Variants in SLC35F2 observed in about 807,000 individuals in gnomAD.
SLC35F2 encodes the protein queuine/queuosine transporter SLC35F2.
SLC35F2 carries 25 observed loss-of-function variants against 38.1 expected under a neutral mutation model. The observed-to-expected ratio is 0.66, with a 90% CI of 0.48 to 0.92. SLC35F2 has a LOEUF of 0.92. SLC35F2 is among the 40% of genes least tolerant of loss of function. The probability of loss-of-function intolerance (pLI) is 0.00; values close to 1 mark genes in which losing one functional copy is unlikely to be tolerated. For synonymous variants in SLC35F2, 173 were observed against 181.7 expected (o/e 0.95, Z 0.38); for missense variants, 409 against 452.9 (o/e 0.90, Z 0.88).
intron 1 of SLC35F2, among the ~76,000 whole-genome samples, chr11:107,818,159 T>C (rs1859615043): frequency 6.7e-6 from 1 of 150,070 alleles, no homozygotes; most frequent in Non-Finnish European, 1.5e-5. Context: ...CAGCTGGGCA[T>C]AGTGGCTCAC....
intron 1 of SLC35F2, among the ~76,000 whole-genome samples, chr11:107,845,677 G>A (rs1424335243): frequency 6.6e-6 from 1 of 150,684 alleles, no homozygotes; most frequent in Non-Finnish European, 1.5e-5. Flanking sequence ...CTCTGGCTGG[G>A]CACGGTGGCT....
intron 7 of SLC35F2, 125 bp from the exon 8 acceptor site, chr11:107,792,925 CTTTCTTT>C: frequency 1.5e-6 from 1 of 668,252 alleles, no homozygotes; most frequent in Middle Eastern, 3.7e-4. Flanking sequence ...TTCTTTCTTT[CTTTCTTT>C]TTAAGACAGG....
In SLC35F2 at chr11:107,791,184, A is replaced by G. The variant is rs1471382694; in HGVS notation, c.*1431T>C. On this transcript the variant is annotated 3_prime_UTR_variant, in exon 8 of 8. Coordinates refer to ENST00000525815, the MANE Select transcript of SLC35F2 (RefSeq NM_017515.5). Reference sequence around the variant, plus strand: ...AATCACAGGGCATTACAGATTTTTGATAAGAAGTAGTAATAGCATTGTCTT... The same window carrying G: ...AATCACAGGGCATTACAGATTTTTGGTAAGAAGTAGTAATAGCATTGTCTT... 1 of 152,652 alleles carries G rather than the reference A, an allele frequency of 6.6e-6. No individual in the cohort carries two copies. Among genetic ancestry groups the G allele is most frequent in the Non-Finnish European group, 1.5e-5 (1 of 68,042 alleles). 9.5% of individuals were successfully genotyped at this position (152,652 alleles called of 1,614,324 possible).
rs186914088 is a variant in SLC35F2 at position 107,791,076 on chromosome 11, C to G, written c.*1539G>C. 1 of 152,636 alleles carries G rather than the reference C, an allele frequency of 6.6e-6. No individual in the cohort carries two copies. Among genetic ancestry groups the G allele is most frequent in the Admixed American group, 6.5e-5 (1 of 15,272 alleles). 9.5% of individuals were successfully genotyped at this position (152,636 alleles called of 1,614,324 possible). A position where few individuals can be genotyped will look rare whatever the true frequency, so the allele number is the denominator to read the frequency against. On this transcript the variant is annotated 3_prime_UTR_variant, in exon 8 of 8. Transcript: ENST00000525815. ...TACATTGTTACAAAAAATTTACATA[C>G]AGTTTTCTGAAAGTGGCATTTTGTT... is the stretch of plus-strand genomic sequence containing the variant.
chr11:107,827,514 C>T (rs974920851), intron 1 of SLC35F2, among the ~76,000 whole-genome samples: 18 of 152,042 alleles, frequency 1.2e-4, no homozygotes, highest in African/African-American at 4.1e-4. Flanking sequence ...TTCAGGAGGC[C>T]GGGGCGGGAG....
chr11:107,844,978 G>GAA (rs370512798), intron 1 of SLC35F2, among the ~76,000 whole-genome samples: 6 of 110,644 alleles, frequency 5.4e-5, no homozygotes, highest in Non-Finnish European at 3.9e-5. Flanking sequence ...TCCATCTCAA[G>GAA]AAAAAAAAAA....
At chr11:107,852,874 C>CAA (rs11385907) in intron 1 of SLC35F2, among the ~76,000 whole-genome samples, 2 of 120,976 alleles carry the variant, frequency 1.7e-5, no homozygotes, top group Admixed American at 9.1e-5. Flanking sequence ...GACTCCATCT[C>CAA]AAAAAAAAAA....
At chr11:107,835,740 A>G (rs1452950469) in intron 1 of SLC35F2, among the ~76,000 whole-genome samples, 2 of 107,088 alleles carry the variant, frequency 1.9e-5, no homozygotes, top group East Asian at 5.1e-4. Flanking sequence ...AATTCAATTC[A>G]GCATGTTTTT....
At chr11:107,809,329 CAAAAAAAAAAAAA>C (rs61511493) in intron 3 of SLC35F2, among the ~76,000 whole-genome samples, 2 of 96,120 alleles carry the variant, frequency 2.1e-5, no homozygotes, top group African/African-American at 7.0e-5. Flanking sequence ...ACTCAAAATA[CAAAAAAAAAAAAA>C]AAAAAAAAAA....
chr11:107,827,457 A>G (rs1294102101), intron 1 of SLC35F2, among the ~76,000 whole-genome samples: 1 of 152,054 alleles, frequency 6.6e-6, no homozygotes, highest in Non-Finnish European at 1.5e-5. Flanking sequence ...TCTACTAAAA[A>G]TACAAAAATG....
At chr11:107,808,173 T>C (rs996277699) in intron 3 of SLC35F2, among the ~76,000 whole-genome samples, 1 of 152,194 alleles carries the variant, frequency 6.6e-6, no homozygotes, top group Admixed American at 6.5e-5. Context: ...AACCCCACCA[T>C]GTGAGACACA....
intron 1 of SLC35F2, among the ~76,000 whole-genome samples, chr11:107,847,730 G>C (rs77070805): frequency 4.9e-4 from 74 of 152,320 alleles, no homozygotes; most frequent in Admixed American, 2.6e-3. Context: ...AGGAAACAGG[G>C]AAGAAGATTT....
At chr11:107,795,443 G>A (rs1859202762) in intron 7 of SLC35F2, among the ~76,000 whole-genome samples, 1 of 152,086 alleles carries the variant, frequency 6.6e-6, no homozygotes, top group African/African-American at 2.4e-5. Flanking sequence ...AAAAGCACAG[G>A]TAACAAAAAC....
chr11:107,821,473 G>T, intron 1 of SLC35F2: 2 of 985,254 alleles, frequency 2.0e-6, no homozygotes, highest in Non-Finnish European at 2.4e-6. Context: ...GCGGGGAGGG[G>T]GTAGGAAATT....
At chr11:107,803,288 G>A in intron 6 of SLC35F2, 133 bp from the exon 7 acceptor site, 1 of 1,306,558 alleles carries the variant, frequency 7.7e-7, no homozygotes, top group Non-Finnish European at 9.8e-7. Flanking sequence ...TTAACAGTCA[G>A]CATTGAAAAT....
chr11:107,820,869 T>C (rs751219947), intron 1 of SLC35F2, among the ~76,000 whole-genome samples: 1 of 152,090 alleles, frequency 6.6e-6, no homozygotes, highest in Non-Finnish European at 1.5e-5. Context: ...GACAGGAGAA[T>C]TGCTTGAACC....
At chr11:107,850,789 C>G (rs1458030318) in intron 1 of SLC35F2, among the ~76,000 whole-genome samples, 2 of 151,102 alleles carry the variant, frequency 1.3e-5, no homozygotes, top group Admixed American at 1.3e-4. Flanking sequence ...CCACTGCACT[C>G]CAGCCTGGAA....
intron 1 of SLC35F2, among the ~76,000 whole-genome samples, chr11:107,850,617 T>G (rs956946806): frequency 1.3e-5 from 2 of 151,548 alleles, no homozygotes; most frequent in Non-Finnish European, 1.5e-5. Context: ...AGGCCAGGAG[T>G]TCGAGACCAG....
intron 1 of SLC35F2, chr11:107,824,046 AG>A: frequency 1.0e-5 from 10 of 976,606 alleles, no homozygotes; most frequent in Non-Finnish European, 7.3e-6. Context: ...ACGATTCAAA[AG>A]TTTAGCCATC....
Sources: allele counts gnomAD v4.1 joint callset (sites outside exome capture counted in the v4.1 genomes callset), GRCh38; gene constraint gnomAD v4.1.1; transcripts MANE v1.5; gene names NCBI Gene and HGNC (gene_info 2026-07-23, HGNC 2026-07-21).